The following ROR1 variants were observed in gnomAD, a reference collection of about 807,000 sequenced individuals.
ROR1 encodes the protein ROR family WNT receptor 1.
Under a neutral mutation model 78.8 loss-of-function variants are expected in ROR1, and 19 were observed. That is an observed-to-expected ratio of 0.24 (90% CI 0.17 to 0.35). ROR1 has a LOEUF of 0.35. Among genes scored for constraint, ROR1 ranks in the 10% least tolerant of loss-of-function variants. The pLI is 1.00. For missense variants in ROR1, 917 were observed against 1,177.8 expected, an observed-to-expected ratio of 0.78 and a Z score of 3.24; for synonymous variants, 386 against 433.6, an observed-to-expected ratio of 0.89 and a Z score of 1.36.
chr1:64,157,194 G>C (rs1460542375), intron 7 of ROR1, among the ~76,000 whole-genome samples: 3 of 152,156 alleles, frequency 2.0e-5, no homozygotes. Flanking sequence ...CTGGAGTGCA[G>C]TGGCGCAATC....
At chr1:63,829,597 C>T (rs1286945716) in intron 1 of ROR1, among the ~76,000 whole-genome samples, 1 of 152,084 alleles carries the variant, frequency 6.6e-6, no homozygotes, top group East Asian at 1.9e-4. Flanking sequence ...GAATAATGTA[C>T]AGAGTCTGGA....
chr1:64,021,432 G>A (rs1441372916), intron 2 of ROR1, among the ~76,000 whole-genome samples: 1 of 152,184 alleles, frequency 6.6e-6, no homozygotes, highest in Non-Finnish European at 1.5e-5. Context: ...CCTGTCTCAT[G>A]AACCTCACTT....
chr1:64,123,969 A>C (rs574086064), intron 4 of ROR1, among the ~76,000 whole-genome samples: 51 of 152,328 alleles, frequency 3.3e-4, no homozygotes, highest in African/African-American at 1.2e-3. Context: ...GATAAGTTGA[A>C]TATAATGGTA....
At chr1:63,835,835 A>T (rs1645016072) in intron 1 of ROR1, among the ~76,000 whole-genome samples, 1 of 152,234 alleles carries the variant, frequency 6.6e-6, no homozygotes, top group Non-Finnish European at 1.5e-5. Flanking sequence ...TCAGATCTTG[A>T]TAGAGCTTCA....
intron 4 of ROR1, among the ~76,000 whole-genome samples, chr1:64,119,099 G>A (rs1214339037): frequency 6.6e-6 from 1 of 152,140 alleles, no homozygotes; most frequent in Non-Finnish European, 1.5e-5. Flanking sequence ...TTCTTAAAGA[G>A]CCATTTCAAT....
At chr1:64,045,492 C>T (rs1238593948) in intron 2 of ROR1, among the ~76,000 whole-genome samples, 1 of 152,032 alleles carries the variant, frequency 6.6e-6, no homozygotes, top group Non-Finnish European at 1.5e-5. Flanking sequence ...CCCTCAGTGG[C>T]ATCAATATTT....
chr1:63,959,604 A>G (rs1041792452), intron 1 of ROR1, among the ~76,000 whole-genome samples: 2 of 152,198 alleles, frequency 1.3e-5, no homozygotes, highest in Non-Finnish European at 2.9e-5. Context: ...GTAGAAGCAT[A>G]TCACATGTTT....
chr1:64,015,190 C>T (rs1156974900), intron 2 of ROR1, among the ~76,000 whole-genome samples: 1 of 152,026 alleles, frequency 6.6e-6, no homozygotes, highest in Non-Finnish European at 1.5e-5. Context: ...GAAAGACCTG[C>T]CCCCATAGTT....
chr1:63,830,057 G>A (rs549413787), intron 1 of ROR1, among the ~76,000 whole-genome samples: 61 of 152,050 alleles, frequency 4.0e-4, no homozygotes, highest in Admixed American at 2.0e-3. Flanking sequence ...CTTTGAGGCC[G>A]TAGCTCATAC....
chr1:64,166,115 T>C (rs891341029), intron 8 of ROR1, among the ~76,000 whole-genome samples: 3 of 152,228 alleles, frequency 2.0e-5, no homozygotes, highest in African/African-American at 7.2e-5. Flanking sequence ...CCATTTATTT[T>C]ACTAGGGAAT....
intron 1 of ROR1, among the ~76,000 whole-genome samples, chr1:63,841,727 A>T (rs1645050807): frequency 6.6e-6 from 1 of 152,246 alleles, no homozygotes; most frequent in Non-Finnish European, 1.5e-5. Context: ...TATTTAACAG[A>T]CATTTATTGA....
intron 1 of ROR1, among the ~76,000 whole-genome samples, chr1:63,892,347 T>A: frequency 6.6e-6 from 1 of 151,990 alleles, no homozygotes; most frequent in East Asian, 1.9e-4. Context: ...AAAAGATGAG[T>A]TAAGAATCTG....
intron 4 of ROR1, among the ~76,000 whole-genome samples, chr1:64,060,111 C>G (rs1646905801): frequency 6.6e-6 from 1 of 151,882 alleles, no homozygotes; most frequent in South Asian, 2.1e-4. Context: ...TTCTTTCTTT[C>G]TTTCTTTTCT....
At chr1:63,961,240 A>T (rs1188805079) in intron 1 of ROR1, among the ~76,000 whole-genome samples, 1 of 152,192 alleles carries the variant, frequency 6.6e-6, no homozygotes, top group Non-Finnish European at 1.5e-5. Flanking sequence ...GTTGGTGGAG[A>T]TATAAATTAG....
chr1:64,031,835 G>A (rs1040547035), intron 2 of ROR1, among the ~76,000 whole-genome samples: 1 of 151,814 alleles, frequency 6.6e-6, no homozygotes, highest in Admixed American at 6.6e-5. Context: ...TTTGAACACA[G>A]CTTTTGCTTT....
intron 1 of ROR1, among the ~76,000 whole-genome samples, chr1:63,999,721 C>T (rs1646367604): frequency 6.6e-6 from 1 of 152,102 alleles, no homozygotes; most frequent in Non-Finnish European, 1.5e-5. Flanking sequence ...AATCAATGAA[C>T]AAACAAATGA....
intron 4 of ROR1, among the ~76,000 whole-genome samples, chr1:64,073,499 C>T (rs1464352316): frequency 1.3e-5 from 2 of 152,136 alleles, no homozygotes; most frequent in Non-Finnish European, 2.9e-5. Flanking sequence ...ATGAAGCTTA[C>T]CAGTTTGCCA....
chr1:63,843,490 G>C (rs1162004016), intron 1 of ROR1: 1 of 755,930 alleles, frequency 1.3e-6, no homozygotes, highest in African/African-American at 1.7e-5. Context: ...GTGGTGTAGG[G>C]GTCGTCGATG....
At chr1:64,156,594 C>T (rs972317915) in intron 7 of ROR1, among the ~76,000 whole-genome samples, 2 of 151,584 alleles carry the variant, frequency 1.3e-5, no homozygotes, top group South Asian at 2.1e-4. Context: ...GTAGTCCCAG[C>T]TACTCAGGGG....
Sources: allele counts gnomAD v4.1 joint callset (sites outside exome capture counted in the v4.1 genomes callset), GRCh38; gene constraint gnomAD v4.1.1; transcripts MANE v1.5; gene names NCBI Gene and HGNC (gene_info 2026-07-23, HGNC 2026-07-21).